CEP350: variants seen among roughly 807,000 people sequenced by gnomAD.
CEP350 encodes centrosome-associated protein 350.
CEP350 carries 126 observed loss-of-function variants against 331.8 expected under a neutral mutation model. The observed-to-expected ratio is 0.38, with a 90% CI of 0.33 to 0.44. CEP350 has a LOEUF of 0.44. CEP350 is among the 20% of genes least tolerant of loss of function. CEP350 has a pLI of 1.00. For missense variants in CEP350, 3,406 were observed against 3,634.6 expected (o/e 0.94, Z 1.62); for synonymous variants, 1,200 against 1,259.5 (o/e 0.95, Z 1.00).
chr1:180,065,808 C>A (rs2149025596), intron 27 of CEP350, among the ~76,000 whole-genome samples: 2 of 151,910 alleles, frequency 1.3e-5, no homozygotes, highest in Middle Eastern at 6.8e-3. Flanking sequence ...GTTTTCCCTT[C>A]TTTTATTGAA....
chr1:180,074,259 A>C lies in CEP350; in HGVS notation c.5568-763A>C, dbSNP rs549900139. Among the ~76,000 whole-genome samples the C allele has an allele frequency of 5.3e-5, 8 of 152,304 alleles. No homozygotes were observed. The South Asian group carries it at 1.4e-3, about 28-fold the overall frequency. ...ATGGTTTATTAGTAGCCTCTAAACT[A>C]AGTAATTTTTCCTAACTCAGTAATT... On this transcript the variant is annotated intron_variant, in intron 27 of 37. Coordinates refer to ENST00000367607, the MANE Select transcript of CEP350 (RefSeq NM_014810.5).
rs755975778 is a variant in CEP350, at chr1:180,020,080, G to A, written c.2306G>A (p.Gly769Glu). ...CATCTCTTGAGTTTAGAGCATGTAG[G>A]AATTTTGCATAAGGATTTTGAATCT... Reference protein sequence around the residue: ...LSHLLSLEHVGILHKDFESIL... With the variant: ...LSHLLSLEHVEILHKDFESIL... The change falls in exon 12 of 38, where the codon GGA becomes GAA. Residue 769 changes from glycine (G) to glutamate (E), a missense_variant. By Grantham distance (98) the Gly-to-Glu change is moderately conservative. This residue lies in a region of CEP350 where 1,857 missense variants were observed against 1,909.2 expected (regional missense o/e 0.97). Coordinates refer to ENST00000367607, the MANE Select transcript of CEP350 (RefSeq NM_014810.5). 6.2e-7 allele frequency: 1 copy of A among 1,613,970 alleles called. No individual in the cohort carries two copies. Among genetic ancestry groups the A allele is most frequent in the Non-Finnish European group, 8.5e-7 (1 of 1,179,882 alleles).
At chr1:179,998,092 T>G (rs1361173165) in intron 6 of CEP350, among the ~76,000 whole-genome samples, 1 of 151,862 alleles carries the variant, frequency 6.6e-6, no homozygotes, top group Non-Finnish European at 1.5e-5. Context: ...ATTTTTATGT[T>G]CCTGAAATTA....
chr1:180,026,764 C>G (rs770521198), intron 14 of CEP350, among the ~76,000 whole-genome samples: 1 of 152,208 alleles, frequency 6.6e-6, no homozygotes, highest in African/African-American at 2.4e-5. Context: ...TAATATCTGA[C>G]TCACCGTTCA....
At chr1:180,069,938 G>A (rs1658783319) in intron 27 of CEP350, among the ~76,000 whole-genome samples, 1 of 152,126 alleles carries the variant, frequency 6.6e-6, no homozygotes, top group Admixed American at 6.5e-5. Flanking sequence ...CACTAGTTTG[G>A]GGATACATAG....
chr1:180,102,196 C>CTCACT (rs965891216), intron 37 of CEP350, among the ~76,000 whole-genome samples: 2 of 150,614 alleles, frequency 1.3e-5, no homozygotes, highest in African/African-American at 4.9e-5. Flanking sequence ...AGTGCAGTGG[C>CTCACT]ACCACCTCGG....
chr1:179,969,083 G>C, intron 1 of CEP350: 1 of 699,976 alleles, frequency 1.4e-6, no homozygotes, highest in South Asian at 1.4e-5. Context: ...GTGTAACACA[G>C]AGTCTCCTTT....
At chr1:179,988,004 A>G (rs1233143432) in intron 3 of CEP350, among the ~76,000 whole-genome samples, 2 of 152,080 alleles carry the variant, frequency 1.3e-5, no homozygotes, top group Non-Finnish European at 2.9e-5. Context: ...GGTATGTGGA[A>G]AAGAGAATTT....
rs1462955820 is a variant in CEP350 at position 180,041,746 on chromosome 1, G to A, written c.4306G>A (p.Ala1436Thr). ...VLQEATCKIA[A>T]QQSETARLTT... is the part of the protein sequence containing the mutation. The stretch of plus-strand genomic sequence containing the variant: ...GCAGGAAGCAACGTGTAAAATAGCA[G>A]CTCAGCAGTCAGAAACTGCTCGCCT... Residue 1436 changes from alanine to threonine, a missense_variant, in exon 19 of 38, where the codon GCT (alanine) becomes ACT (threonine). Around this residue, in one of 5 missense-constraint regions of CEP350, gnomAD observed 1,857 missense variants for 1,909.2 expected, o/e 0.97. Transcript: ENST00000367607. The A allele has an allele frequency of 6.2e-7, 1 of 1,613,178 alleles. No individual in the cohort carries two copies. The highest frequency in any genetic ancestry group is 2.2e-5 in the East Asian group (1 of 44,858).
At chr1:180,015,335 T>G (rs924246143) in intron 10 of CEP350, among the ~76,000 whole-genome samples, 1 of 152,012 alleles carries the variant, frequency 6.6e-6, no homozygotes. Flanking sequence ...CCGGGGTTCA[T>G]GCCATTCTCC....
At chr1:180,021,572 C>T (rs1287184045) in intron 12 of CEP350, among the ~76,000 whole-genome samples, 2 of 151,850 alleles carry the variant, frequency 1.3e-5, no homozygotes, top group Non-Finnish European at 2.9e-5. Context: ...GCACGAGAAT[C>T]GCTTGAACCT....
At chr1:180,035,277 G>A (rs183394665) in intron 16 of CEP350, among the ~76,000 whole-genome samples, 3 of 152,352 alleles carry the variant, frequency 2.0e-5, no homozygotes, top group African/African-American at 7.2e-5. Flanking sequence ...GCAAGGTGAA[G>A]CAACAAGTGC....
At chr1:180,062,458 G>A in intron 26 of CEP350, 92 bp downstream of exon 26, 1 of 1,390,216 alleles carries the variant, frequency 7.2e-7, no homozygotes, top group Non-Finnish European at 9.5e-7. Flanking sequence ...ATTCATTCAA[G>A]CAGTATGATA....
At chr1:179,999,002 G>A (rs531745859) in intron 6 of CEP350, among the ~76,000 whole-genome samples, 25 of 151,778 alleles carry the variant, frequency 1.6e-4, no homozygotes, top group African/African-American at 3.4e-4. Context: ...CTAGTCATTC[G>A]TGTATCACAT....
intron 32 of CEP350, 91 bp downstream of exon 32, chr1:180,087,808 G>T: frequency 1.7e-6 from 2 of 1,198,614 alleles, no homozygotes; most frequent in South Asian, 2.9e-5. Flanking sequence ...TTAAGTAACT[G>T]AAATTACAGA....
chr1:179,972,590 C>T (rs1191537992), intron 1 of CEP350, among the ~76,000 whole-genome samples: 3 of 151,940 alleles, frequency 2.0e-5, no homozygotes, highest in African/African-American at 7.3e-5. Context: ...CTGCAACCTC[C>T]GACTCCCTGG....
chr1:180,075,252 A>G lies in CEP350; in HGVS notation c.5767+31A>G. The stretch of plus-strand genomic sequence containing the variant: ...AAATACTAACTCTGTTCACACTACA[A>G]ACTAAAGCCTAACATAATTGAAAGA... On this transcript the variant is annotated intron_variant, in intron 28 of 37. Coordinates refer to ENST00000367607, the MANE Select transcript of CEP350 (RefSeq NM_014810.5). 5.2e-6 allele frequency: 8 copies of G among 1,543,874 alleles called. No individual in the cohort carries two copies. In the South Asian group the frequency reaches 8.4e-5, roughly 16 times the overall value.
intron 29 of CEP350, among the ~76,000 whole-genome samples, chr1:180,079,807 T>C (rs977793137): frequency 1.3e-5 from 2 of 152,150 alleles, no homozygotes; most frequent in Non-Finnish European, 2.9e-5. Flanking sequence ...TATTAAAAAT[T>C]AGAGCTTTTT....
At chr1:180,013,817 G>A (rs754390569) in intron 9 of CEP350, 30 bp from the exon 10 acceptor site, 97 of 1,538,884 alleles carry the variant, frequency 6.3e-5, no homozygotes, top group African/African-American at 8.3e-5. Context: ...ATAGAATTTC[G>A]GTATATCACT....
Sources: gnomAD v4.1 joint callset for allele counts (sites outside exome capture counted in the v4.1 genomes callset) on GRCh38, gnomAD v4.1.1 for gene constraint, gnomAD v4.1.1 regional missense constraint, MANE v1.5 for transcripts, NCBI Gene and HGNC (gene_info 2026-07-23, HGNC 2026-07-21) for gene names.